The following SLC24A2 variants were observed in gnomAD, a reference collection of about 807,000 sequenced individuals.
The protein encoded by SLC24A2 is solute carrier family 24 member 2, also known as sodium/potassium/calcium exchanger 2.
A neutral mutation model predicts 62.0 loss-of-function variants in SLC24A2; 36 were observed. The observed-to-expected ratio is 0.58, with a 90% confidence interval of 0.44 to 0.77. The LOEUF is 0.77. Among genes scored for constraint, SLC24A2 ranks in the 30% least tolerant of loss-of-function variants. The pLI is 0.00. For missense variants in SLC24A2, 846 were observed against 817.9 expected, an observed-to-expected ratio of 1.03 and a Z score of -0.42; for synonymous variants, 358 against 294.0, an observed-to-expected ratio of 1.22 and a Z score of -2.23.
chr9:19,781,590 G>C (rs763835097), intron 2 of SLC24A2, among the ~76,000 whole-genome samples: 17 of 152,120 alleles, frequency 1.1e-4, no homozygotes, highest in Non-Finnish European at 2.1e-4. Context: ...TTACTTTTAG[G>C]ATAAGTAGAG....
chr9:19,716,516 T>C (rs945614510), intron 2 of SLC24A2, among the ~76,000 whole-genome samples: 5 of 152,224 alleles, frequency 3.3e-5, no homozygotes, highest in African/African-American at 1.2e-4. Context: ...TCTCCTGTGA[T>C]CCCAGGGGAG....
chr9:20,134,684 A>G, the SLC24A2 span, among the ~76,000 whole-genome samples: 1 of 152,300 alleles, frequency 6.6e-6, no homozygotes, highest in Non-Finnish European at 1.5e-5. Flanking sequence ...AAAAATTCTA[A>G]TAAAGGCTGG....
chr9:20,185,553 T>C, the SLC24A2 span, among the ~76,000 whole-genome samples: 1 of 149,678 alleles, frequency 6.7e-6, no homozygotes, highest in South Asian at 2.1e-4. Flanking sequence ...TAGTCCCAGC[T>C]ATTCGGGAGG....
At chr9:20,303,178 T>C in the SLC24A2 span, among the ~76,000 whole-genome samples, 1 of 152,180 alleles carries the variant, frequency 6.6e-6, no homozygotes, top group Admixed American at 6.5e-5. Context: ...CCCTTTTTCA[T>C]GCATCACGGG....
chr9:19,558,096 C>A (rs557483681), intron 7 of SLC24A2, among the ~76,000 whole-genome samples: 1 of 152,152 alleles, frequency 6.6e-6, no homozygotes, highest in Admixed American at 6.5e-5. Flanking sequence ...AGCTACTGTT[C>A]CAGGCCTCAC....
chr9:19,961,538 T>C, the SLC24A2 span, among the ~76,000 whole-genome samples: 2 of 152,206 alleles, frequency 1.3e-5, no homozygotes, highest in East Asian at 1.9e-4. Context: ...CTCTATGGCA[T>C]GGCCCCACAC....
the SLC24A2 span, among the ~76,000 whole-genome samples, chr9:20,077,177 T>C: frequency 2.9e-4 from 44 of 152,014 alleles, 1 homozygote; most frequent in East Asian, 7.9e-3. Context: ...GGTCAGAGGA[T>C]ACAAAGTAGC....
At chr9:19,543,062 G>C (rs188749348) in intron 8 of SLC24A2, among the ~76,000 whole-genome samples, 1 of 152,096 alleles carries the variant, frequency 6.6e-6, no homozygotes, top group Non-Finnish European at 1.5e-5. Flanking sequence ...AATTCATCTG[G>C]TTCTGGACTT....
the SLC24A2 span, among the ~76,000 whole-genome samples, chr9:20,261,920 A>G: frequency 6.6e-6 from 1 of 151,708 alleles, no homozygotes; most frequent in Non-Finnish European, 1.5e-5. Flanking sequence ...TTGTATTTTT[A>G]GTAGAGACAG....
At chr9:19,719,620 G>A (rs898908998) in intron 2 of SLC24A2, among the ~76,000 whole-genome samples, 5 of 152,270 alleles carry the variant, frequency 3.3e-5, no homozygotes, top group African/African-American at 1.2e-4. Context: ...ACCAGCCTGG[G>A]TTGCACTTAG....
At chr9:19,530,339 T>C (rs1833643403) in intron 8 of SLC24A2, among the ~76,000 whole-genome samples, 1 of 152,144 alleles carries the variant, frequency 6.6e-6, no homozygotes, top group Admixed American at 6.6e-5. Context: ...AACCAATGGT[T>C]GATTCTGGGC....
At chr9:20,222,642 G>A in the SLC24A2 span, among the ~76,000 whole-genome samples, 2 of 152,080 alleles carry the variant, frequency 1.3e-5, no homozygotes, top group African/African-American at 2.4e-5. Flanking sequence ...AAAACCAAAC[G>A]AGGTTTATCT....
chr9:19,536,216 T>A (rs1212173195), intron 8 of SLC24A2, among the ~76,000 whole-genome samples: 2 of 151,514 alleles, frequency 1.3e-5, no homozygotes, highest in African/African-American at 2.4e-5. Flanking sequence ...TTTTTTTTAT[T>A]ACACTTTAAG....
intron 2 of SLC24A2, among the ~76,000 whole-genome samples, chr9:19,767,045 T>C (rs1822537775): frequency 6.6e-6 from 1 of 151,846 alleles, no homozygotes; most frequent in South Asian, 2.1e-4. Flanking sequence ...TGCAGTGCTG[T>C]GGTGGGCTCC....
At chr9:19,606,711 C>A (rs1286190648) in intron 4 of SLC24A2, among the ~76,000 whole-genome samples, 4 of 152,214 alleles carry the variant, frequency 2.6e-5, no homozygotes, top group Admixed American at 2.6e-4. Flanking sequence ...ATATAAGCAA[C>A]AATGCTGATT....
the SLC24A2 span, among the ~76,000 whole-genome samples, chr9:19,893,328 G>A: frequency 6.6e-6 from 1 of 152,124 alleles, no homozygotes; most frequent in African/African-American, 2.4e-5. Flanking sequence ...TCTTTCCCAA[G>A]GCTGAACCAT....
At chr9:19,571,252 G>C (rs1835828756) in intron 7 of SLC24A2, among the ~76,000 whole-genome samples, 1 of 152,170 alleles carries the variant, frequency 6.6e-6, no homozygotes, top group African/African-American at 2.4e-5. Context: ...CAGGGCTCTG[G>C]GCAGGAAGGT....
At chr9:20,097,489 T>C in the SLC24A2 span, among the ~76,000 whole-genome samples, 35 of 152,230 alleles carry the variant, frequency 2.3e-4, no homozygotes, top group African/African-American at 8.4e-4. Context: ...TGAAGACTAA[T>C]AGACACTAAT....
the SLC24A2 span, among the ~76,000 whole-genome samples, chr9:19,850,944 T>TAG: frequency 1.8e-5 from 1 of 56,326 alleles, no homozygotes; most frequent in East Asian, 5.9e-4. Context: ...TATATATATA[T>TAG]ACATATATAT....
Sources: allele counts gnomAD v4.1 joint callset (sites outside exome capture counted in the v4.1 genomes callset), GRCh38; gene constraint gnomAD v4.1.1; transcripts MANE v1.5; gene names NCBI Gene and HGNC (gene_info 2026-07-23, HGNC 2026-07-21).